UGT2B7: variants seen among roughly 807,000 people sequenced by gnomAD.
The protein encoded by UGT2B7 is UDP glucuronosyltransferase family 2 member B7.
Under a neutral mutation model 51.9 loss-of-function variants are expected in UGT2B7, and 51 were observed. That is an observed-to-expected ratio of 0.98 (90% confidence interval 0.78 to 1.24). The LOEUF (loss-of-function observed/expected upper bound fraction) is 1.24, where lower values mean the gene tolerates loss of function less well. Ranked by LOEUF, UGT2B7 falls within the 50% of genes most tolerant of loss-of-function variation. UGT2B7 has a pLI of 0.00. For missense variants in UGT2B7, 727 were observed against 628.4 expected (o/e 1.16, Z -1.68); for synonymous variants, 225 against 211.6 (o/e 1.06, Z -0.55).
intron 2 of UGT2B7, among the ~76,000 whole-genome samples, chr4:69,101,015 T>G (rs1186709850): frequency 6.6e-6 from 1 of 152,052 alleles, no homozygotes; most frequent in Non-Finnish European, 1.5e-5. Flanking sequence ...ATTCATAAAA[T>G]TAACATTGGA....
At chr4:69,070,659 G>C (rs950209017) in intron 1 of UGT2B7, among the ~76,000 whole-genome samples, 1 of 152,020 alleles carries the variant, frequency 6.6e-6, no homozygotes, top group Non-Finnish European at 1.5e-5. Context: ...GGGCTACATG[G>C]AAATAGAAAA....
chr4:69,073,195 T>C (rs752880407), intron 1 of UGT2B7, among the ~76,000 whole-genome samples: 29 of 152,162 alleles, frequency 1.9e-4, no homozygotes, highest in Non-Finnish European at 3.4e-4. Context: ...ACTCTATTCA[T>C]ACTCCCAACA....
upstream of UGT2B7, among the ~76,000 whole-genome samples, chr4:69,096,212 G>A (rs764840049): frequency 6.6e-6 from 1 of 152,096 alleles, no homozygotes; most frequent in African/African-American, 2.4e-5. Flanking sequence ...CACTGCTACT[G>A]TTCTGGACAC....
intron 1 of UGT2B7, among the ~76,000 whole-genome samples, chr4:69,078,788 G>A (rs1718772478): frequency 6.6e-6 from 1 of 152,108 alleles, no homozygotes; most frequent in South Asian, 2.1e-4. Context: ...GATCCATCTG[G>A]CTATGGAAGG....
chr4:69,112,834 GAC>G lies in UGT2B7; in HGVS notation c.*100_*101del. ...TGATGCAAGATTTCTTTCTTCCTGA[GAC>G]AAAAAAAAAAAAAGAAAAAAAAATC... On this transcript the variant is annotated 3_prime_UTR_variant, in exon 6 of 6. Coordinates refer to ENST00000305231, the MANE Select transcript of UGT2B7 (RefSeq NM_001074.4). The G allele has an allele frequency of 2.2e-5, 18 of 830,008 alleles. No homozygotes were observed. Among genetic ancestry groups the G allele is most frequent in the South Asian group, 1.4e-4 (3 of 21,954 alleles). The allele number at this position is 830,008 out of a possible 1,614,324, so 51.4% of individuals were successfully genotyped here.
At chr4:69,066,919 T>A (rs1367264471) in intron 1 of UGT2B7, among the ~76,000 whole-genome samples, 2 of 152,080 alleles carry the variant, frequency 1.3e-5, no homozygotes. Context: ...TATCATGGAG[T>A]GTTGGTAACA....
intron 1 of UGT2B7, among the ~76,000 whole-genome samples, chr4:69,074,309 C>T (rs1718657360): frequency 1.3e-5 from 2 of 151,834 alleles, no homozygotes; most frequent in African/African-American, 4.8e-5. Context: ...CCACTGCACT[C>T]CAGCCTGGAC....
chr4:69,098,737 A>G, intron 2 of UGT2B7, 49 bp downstream of exon 2: 1 of 1,599,202 alleles, frequency 6.3e-7, no homozygotes, highest in South Asian at 1.1e-5. Flanking sequence ...AATTTTCAGT[A>G]GAAATGATTC....
chr4:69,090,209 T>A (rs939968071), intron 2 of UGT2B7, among the ~76,000 whole-genome samples: 41 of 152,186 alleles, frequency 2.7e-4, no homozygotes, highest in Admixed American at 2.7e-3. Flanking sequence ...TGGGTAGTAC[T>A]ATTTATGCAC....
At chr4:69,054,308 G>T (rs1205185581) in intron 1 of UGT2B7, among the ~76,000 whole-genome samples, 1 of 152,012 alleles carries the variant, frequency 6.6e-6, no homozygotes, top group Non-Finnish European at 1.5e-5. Context: ...AAAAGACAGG[G>T]TTTCCAAAGG....
rs200513314 is a variant in UGT2B7, at chr4:69,080,547, CA to C, written c.-158-8911del. Among the ~76,000 whole-genome samples, 356 of 132,920 alleles carry C rather than the reference CA, an allele frequency of 2.7e-3. 1 individual carries two copies. The highest frequency in any genetic ancestry group is 5.2e-3 in the Admixed American group (70 of 13,370). The allele number at this position is 132,920 out of a possible 152,430, so 87.2% of individuals were successfully genotyped here. ...TGGGCAACAGAGCAAGACTCCGTCTCAAAAAAAAAAAAAAGAAAATCTATCA... is the reference window on the plus strand; with the variant it reads ...TGGGCAACAGAGCAAGACTCCGTCTCAAAAAAAAAAAAAGAAAATCTATCA... On this transcript the variant is annotated intron_variant, in intron 1 of 5. Transcript: ENST00000502942.
At chr4:69,101,780 A>T (rs1335519747) in intron 2 of UGT2B7, among the ~76,000 whole-genome samples, 4 of 152,188 alleles carry the variant, frequency 2.6e-5, no homozygotes, top group Non-Finnish European at 5.9e-5. Context: ...AAACATCGGC[A>T]TATATTGGAC....
At chr4:69,088,554 G>A (rs1030829666) in intron 1 of UGT2B7, among the ~76,000 whole-genome samples, 1 of 152,048 alleles carries the variant, frequency 6.6e-6, no homozygotes, top group Non-Finnish European at 1.5e-5. Context: ...TTGTTTGCAG[G>A]TCATAGAAAA....
At chr4:69,088,358 ACT>A (rs1491337250) in intron 1 of UGT2B7, among the ~76,000 whole-genome samples, 1 of 150,918 alleles carries the variant, frequency 6.6e-6, no homozygotes, top group Non-Finnish European at 1.5e-5. Context: ...GTTTTTTTCA[ACT>A]CTCTATTCAT....
chr4:69,109,041 T>C (rs1719696775), intron 5 of UGT2B7, among the ~76,000 whole-genome samples: 1 of 149,084 alleles, frequency 6.7e-6, no homozygotes, highest in South Asian at 2.1e-4. Context: ...TTTTTTGTTG[T>C]TTTTTTTTTC....
At chr4:69,087,692 C>CT (rs1560505751) in intron 1 of UGT2B7, among the ~76,000 whole-genome samples, 2 of 147,476 alleles carry the variant, frequency 1.4e-5, no homozygotes, top group Non-Finnish European at 3.0e-5. Context: ...TGAAGAATTG[C>CT]TTCGGTAGGC....
intron 1 of UGT2B7, among the ~76,000 whole-genome samples, chr4:69,052,984 A>G (rs1252672204): frequency 6.6e-6 from 1 of 152,208 alleles, no homozygotes; most frequent in Non-Finnish European, 1.5e-5. Flanking sequence ...GTGTAAACAT[A>G]TTAGCTAAAG....
intron 5 of UGT2B7, among the ~76,000 whole-genome samples, chr4:69,111,352 C>A (rs1560513415): frequency 6.6e-6 from 1 of 152,106 alleles, no homozygotes; most frequent in Non-Finnish European, 1.5e-5. Context: ...TTGAAAAAAT[C>A]ATTCTGGCTA....
upstream of UGT2B7, among the ~76,000 whole-genome samples, chr4:69,092,214 C>G (rs1398256936): frequency 6.6e-6 from 1 of 152,134 alleles, no homozygotes; most frequent in Admixed American, 6.6e-5. Flanking sequence ...TCTGGGATTA[C>G]AGGTTGAGCC....
Sources: gnomAD v4.1 joint callset for allele counts (sites outside exome capture counted in the v4.1 genomes callset) on GRCh38, gnomAD v4.1.1 for gene constraint, MANE v1.5 for transcripts, NCBI Gene and HGNC (gene_info 2026-07-23, HGNC 2026-07-21) for gene names.